The following PMP22 variants were observed in gnomAD, a reference collection of about 807,000 sequenced individuals.
PMP22 encodes the protein peripheral myelin protein 22.
In PMP22, 2 loss-of-function variants were observed where a neutral mutation model predicts 18.9. That is an observed-to-expected ratio of 0.11 (90% CI 0.04 to 0.33). The LOEUF is 0.33. PMP22 is among the 10% of genes least tolerant of loss of function. The pLI is 1.00. For missense variants in PMP22, 169 were observed against 202.2 expected (o/e 0.84, Z 1.00); for synonymous variants, 95 against 89.2 (o/e 1.07, Z -0.37).
chr17:15,260,001 G>A (rs1033610953), intron 2 of PMP22, among the ~76,000 whole-genome samples: 2 of 151,588 alleles, frequency 1.3e-5, no homozygotes, highest in African/African-American at 4.8e-5. Context: ...TGCTTACAAT[G>A]TGCCTTAAAT....
chr17:15,256,231 C>T (rs532304213), intron 3 of PMP22, among the ~76,000 whole-genome samples: 2 of 152,350 alleles, frequency 1.3e-5, no homozygotes, highest in East Asian at 3.9e-4. Flanking sequence ...AGATGTTAGA[C>T]TGCCTCATGG....
chr17:15,230,297 C>A lies in PMP22; in HGVS notation c.*620G>T. 6.5e-6 allele frequency: 1 copy of A among 154,596 alleles called. No homozygotes were observed. The allele number at this position is 154,596 out of a possible 1,614,324, so 9.6% of individuals were successfully genotyped here. Reference sequence around the variant, plus strand: ...TTAGATGTGTGACGAAGATACTCCACCTGTAAGGGCAAGTATGCCAATGCC... The same window carrying A: ...TTAGATGTGTGACGAAGATACTCCAACTGTAAGGGCAAGTATGCCAATGCC... On this transcript the variant is annotated 3_prime_UTR_variant, in exon 5 of 5. Transcript: ENST00000312280.
intron 3 of PMP22, among the ~76,000 whole-genome samples, chr17:15,255,105 T>G (rs1467875891): frequency 6.6e-6 from 1 of 152,194 alleles, no homozygotes; most frequent in Non-Finnish European, 1.5e-5. Flanking sequence ...AGAGATGGAC[T>G]CTTTGAAGAA....
intron 1 of PMP22, among the ~76,000 whole-genome samples, chr17:15,263,913 T>C (rs909866104): frequency 7.9e-5 from 12 of 152,202 alleles, no homozygotes; most frequent in African/African-American, 2.9e-4. Flanking sequence ...GCACTCTGGC[T>C]CTGGGCTCCA....
In PMP22 at chr17:15,248,502, C is replaced by G. The variant is rs552363061; in HGVS notation, c.179-8891G>C. 3.3e-5 allele frequency among the ~76,000 whole-genome samples: 5 copies of G among 152,262 alleles called. No homozygotes were observed. The East Asian group carries it at 9.7e-4, about 29-fold the overall frequency. ...AGGGTCTAGTTCTGCACTTTGACAT[C>G]CATATTCTTGCTCTGCTAGTGAGTT... On this transcript the variant is annotated intron_variant, in intron 3 of 4. Transcript: ENST00000312280.
chr17:15,259,274 T>C, intron 2 of PMP22, 81 bp from the exon 3 acceptor site: 1 of 1,098,458 alleles, frequency 9.1e-7, no homozygotes, highest in Non-Finnish European at 1.4e-6. Flanking sequence ...GGCCCAGGGA[T>C]GGCGAAAAGC....
chr17:15,257,399 GC>G (rs1197307610), intron 3 of PMP22, among the ~76,000 whole-genome samples: 3 of 152,202 alleles, frequency 2.0e-5, no homozygotes, highest in Non-Finnish European at 4.4e-5. Flanking sequence ...TGCCAAAACT[GC>G]CCCCTTCCGG....
chr17:15,259,059 G>T, intron 3 of PMP22, 35 bp downstream of exon 3: 1 of 1,461,776 alleles, frequency 6.8e-7, no homozygotes, highest in Non-Finnish European at 9.6e-7. Context: ...ACAGGCGTCT[G>T]AGGACAAGCT....
intron 1 of PMP22, among the ~76,000 whole-genome samples, chr17:15,263,520 G>C (rs1909503444): frequency 6.6e-6 from 1 of 152,100 alleles, no homozygotes; most frequent in South Asian, 2.1e-4. Context: ...GCACGGGACA[G>C]GGAGCAGGAA....
intron 3 of PMP22, among the ~76,000 whole-genome samples, chr17:15,257,675 G>C (rs1908960032): frequency 6.6e-6 from 1 of 152,198 alleles, no homozygotes; most frequent in Admixed American, 6.5e-5. Flanking sequence ...CATTTACTCA[G>C]TTGCCAACTC....
At position 15,230,279 on chromosome 17, in the gene PMP22, T is replaced by C. The variant is rs1906188377; in HGVS notation, c.*638A>G. 6.5e-6 allele frequency: 1 copy of C among 154,164 alleles called. No homozygotes were observed. 9.5% of individuals were successfully genotyped at this position (154,164 alleles called of 1,614,324 possible). A position where few individuals can be genotyped will look rare whatever the true frequency, so the allele number is the denominator to read the frequency against. On this transcript the variant is annotated 3_prime_UTR_variant, in exon 5 of 5. Transcript: ENST00000312280. ...TTGTCACTGATTTCTCATTTAGATG[T>C]GTGACGAAGATACTCCACCTGTAAG... is the stretch of plus-strand genomic sequence containing the variant.
At chr17:15,234,955 C>T (rs555907001) in intron 4 of PMP22, among the ~76,000 whole-genome samples, 26 of 152,096 alleles carry the variant, frequency 1.7e-4, no homozygotes, top group African/African-American at 5.3e-4. Flanking sequence ...TAGCTGGGAC[C>T]ACAGGCGTGC....
At chr17:15,259,716 C>T (rs1350058043) in intron 2 of PMP22, among the ~76,000 whole-genome samples, 5 of 150,610 alleles carry the variant, frequency 3.3e-5, no homozygotes, top group South Asian at 2.1e-4. Flanking sequence ...CAGAGGTGGG[C>T]GGATCATGAG....
chr17:15,241,261 T>C (rs773388199), intron 3 of PMP22, among the ~76,000 whole-genome samples: 7 of 152,188 alleles, frequency 4.6e-5, no homozygotes, highest in Non-Finnish European at 8.8e-5. Context: ...ATAACCTTAA[T>C]CAAATGTTTG....
At chr17:15,232,820 A>G (rs904117152) in intron 4 of PMP22, among the ~76,000 whole-genome samples, 2 of 152,188 alleles carry the variant, frequency 1.3e-5, no homozygotes, top group African/African-American at 4.8e-5. Context: ...ATCCTTGAAC[A>G]AGAGGGATAG....
At chr17:15,247,261 T>C (rs230913) in intron 3 of PMP22, among the ~76,000 whole-genome samples, 83,780 of 151,592 alleles carry the variant, frequency 0.55, 23,631 homozygotes, top group African/African-American at 0.67. Flanking sequence ...CCCAACTACT[T>C]GGGAGGCTGA....
chr17:15,260,733 C>A lies in PMP22; in HGVS notation c.-6G>T, dbSNP rs369779295. 1.7e-4 allele frequency: 262 copies of A among 1,551,972 alleles called. No individual in the cohort carries two copies. In the African/African-American group the frequency reaches 2.9e-3, roughly 17 times the overall value. ...CTCAGCAACAGGAGGAGCATTCTGG[C>A]GGCAAGTTCTGCTCAGCGGAGTTTC... On this transcript the variant is annotated 5_prime_UTR_variant, in exon 2 of 5. Coordinates refer to ENST00000312280, the MANE Select transcript of PMP22 (RefSeq NM_000304.4).
intron 3 of PMP22, among the ~76,000 whole-genome samples, chr17:15,244,871 T>G (rs1164068602): frequency 6.6e-6 from 1 of 152,238 alleles, no homozygotes; most frequent in Non-Finnish European, 1.5e-5. Flanking sequence ...GATATTTTCA[T>G]GTATTATAAT....
chr17:15,248,262 A>G (rs1054852454), intron 3 of PMP22, among the ~76,000 whole-genome samples: 3 of 152,214 alleles, frequency 2.0e-5, no homozygotes, highest in Non-Finnish European at 4.4e-5. Flanking sequence ...GAGCTCACAA[A>G]GGCGATGAAG....
Sources: gnomAD v4.1 joint callset for allele counts (sites outside exome capture counted in the v4.1 genomes callset) on GRCh38, gnomAD v4.1.1 for gene constraint, MANE v1.5 for transcripts, NCBI Gene and HGNC (gene_info 2026-07-23, HGNC 2026-07-21) for gene names.